Variants in TP63 observed in about 807,000 individuals in gnomAD.
TP63 encodes tumor protein 63.
Under a neutral mutation model 82.8 loss-of-function variants are expected in TP63, and 17 were observed. The ratio of observed to expected loss-of-function variants is 0.21; its 90% CI spans 0.14 to 0.31. The LOEUF is 0.31. TP63 is among the 10% of genes least tolerant of loss of function. The pLI, the probability that TP63 is intolerant of heterozygous loss-of-function variation, is 1.00. For synonymous variants in TP63, 330 were observed against 321.7 expected, an observed-to-expected ratio of 1.03 and a Z score of -0.28; for missense variants, 648 against 895.3, an observed-to-expected ratio of 0.72 and a Z score of 3.52.
the TP63 span, among the ~76,000 whole-genome samples, chr3:189,604,689 T>C: frequency 6.6e-6 from 1 of 152,206 alleles, no homozygotes. Context: ...GGAAAGAAGT[T>C]GAGATTGAGT....
intron 1 of TP63, among the ~76,000 whole-genome samples, chr3:189,705,292 G>T (rs1718115299): frequency 6.6e-6 from 1 of 152,140 alleles, no homozygotes; most frequent in African/African-American, 2.4e-5. Flanking sequence ...ATGTAAAATG[G>T]GGATAGTAAT....
chr3:189,742,600 C>G (rs1721080682), intron 3 of TP63, among the ~76,000 whole-genome samples: 1 of 152,148 alleles, frequency 6.6e-6, no homozygotes, highest in African/African-American at 2.4e-5. Context: ...TTATTTGTGT[C>G]TGGAAAGGCT....
At chr3:189,605,949 A>G in the TP63 span, among the ~76,000 whole-genome samples, 4 of 152,230 alleles carry the variant, frequency 2.6e-5, no homozygotes, top group Non-Finnish European at 5.9e-5. Flanking sequence ...TACTGACCCA[A>G]TGTAAGACAA....
At chr3:189,827,552 G>T (rs1194693772) in intron 4 of TP63, among the ~76,000 whole-genome samples, 1 of 152,230 alleles carries the variant, frequency 6.6e-6, no homozygotes, top group African/African-American at 2.4e-5. Flanking sequence ...TGCATTTAAA[G>T]TTGGGCCTTC....
rs565737119 is a variant in TP63, at chr3:189,864,837, T to A, written c.766+419T>A. Among the ~76,000 whole-genome samples the A allele has an allele frequency of 5.7e-4, 87 of 151,922 alleles. No individual in the cohort carries two copies. In the South Asian group the frequency reaches 0.017, roughly 30 times the overall value. ...CTGGCTAACACAGTGAAACTCCATCTCTACTAAAAATACAAAAAAATTAGC... is the reference window on the plus strand; with the variant it reads ...CTGGCTAACACAGTGAAACTCCATCACTACTAAAAATACAAAAAAATTAGC... On this transcript the variant is annotated intron_variant, in intron 5 of 13. Coordinates refer to ENST00000264731, the MANE Select transcript of TP63 (RefSeq NM_003722.5).
intron 3 of TP63, among the ~76,000 whole-genome samples, chr3:189,741,697 T>A (rs1429770279): frequency 6.6e-6 from 1 of 152,222 alleles, no homozygotes; most frequent in African/African-American, 2.4e-5. Flanking sequence ...TAACCCAGTT[T>A]TACTGATTTT....
At chr3:189,749,642 A>T (rs1721648376) in intron 3 of TP63, among the ~76,000 whole-genome samples, 1 of 152,182 alleles carries the variant, frequency 6.6e-6, no homozygotes, top group Admixed American at 6.5e-5. Flanking sequence ...TCCTCAAAAA[A>T]CTAAAAACTA....
chr3:189,628,837 A>G (rs1440918546), upstream of TP63, among the ~76,000 whole-genome samples: 4 of 152,128 alleles, frequency 2.6e-5, no homozygotes, highest in African/African-American at 9.7e-5. Flanking sequence ...GTATGGTTGC[A>G]TGCTACTGGT....
chr3:189,787,995 A>G (rs958077311), intron 3 of TP63, among the ~76,000 whole-genome samples: 2 of 151,926 alleles, frequency 1.3e-5, no homozygotes, highest in Non-Finnish European at 1.5e-5. Flanking sequence ...GGAAGTAACC[A>G]TCTGCTTTCT....
At chr3:189,605,042 G>A in the TP63 span, among the ~76,000 whole-genome samples, 1 of 152,128 alleles carries the variant, frequency 6.6e-6, no homozygotes, top group Non-Finnish European at 1.5e-5. Flanking sequence ...TCCCACTGAG[G>A]GTCTCAGAGC....
At chr3:189,631,068 A>G (rs73889774), upstream of TP63, among the ~76,000 whole-genome samples, 7,448 of 152,234 alleles carry the variant, frequency 0.049, 190 homozygotes, top group Middle Eastern at 0.058. Flanking sequence ...CAGGGTGGAC[A>G]CTCATCAGCT....
Position 189,745,479 on chromosome 3 carries a change from C to T in TP63, c.324+6705C>T, listed in dbSNP as rs568547893. On this transcript the variant is annotated intron_variant, in intron 3 of 13. Transcript: ENST00000264731. ...ATCCCAGAACTTCGGGAGGCTGAGGCGGGCAGATCACAAGGTCAACAGATT... is the reference window on the plus strand; with the variant it reads ...ATCCCAGAACTTCGGGAGGCTGAGGTGGGCAGATCACAAGGTCAACAGATT... 5.9e-5 allele frequency among the ~76,000 whole-genome samples: 9 copies of T among 151,854 alleles called. No homozygotes were observed. The South Asian group carries it at 6.2e-4, about 11-fold the overall frequency.
the TP63 span, among the ~76,000 whole-genome samples, chr3:189,607,176 A>G: frequency 0.4 from 61,349 of 152,122 alleles, 13,489 homozygotes; most frequent in Middle Eastern, 0.63. Context: ...TTGACAGAGC[A>G]GAGCCAACTG....
Position 189,867,825 on chromosome 3 carries a change from G to A in TP63, c.883-8G>A. The A allele has an allele frequency of 1.2e-6, 2 of 1,613,126 alleles. No homozygotes were observed. Among genetic ancestry groups the A allele is most frequent in the Non-Finnish European group, 1.7e-6 (2 of 1,179,214 alleles). ...TGTTAACACAGATTATTTACCCCTT[G>A]TTTTCAGGTTGGCACTGAATTCACG... On this transcript the variant is annotated splice_region_variant and splice_polypyrimidine_tract_variant and intron_variant, in intron 6 of 13. Transcript: ENST00000264731.
chr3:189,655,647 T>A (rs1713285634), intron 1 of TP63, among the ~76,000 whole-genome samples: 1 of 151,824 alleles, frequency 6.6e-6, no homozygotes, highest in Admixed American at 6.6e-5. Flanking sequence ...ATAAAATAAA[T>A]CTGGAGAGAC....
chr3:189,783,448 A>G (rs568614283), intron 3 of TP63, among the ~76,000 whole-genome samples: 1 of 152,066 alleles, frequency 6.6e-6, no homozygotes, highest in East Asian at 1.9e-4. Flanking sequence ...TGTATTTTCT[A>G]TATTTTCAAC....
At chr3:189,753,978 A>G (rs1451949601) in intron 3 of TP63, among the ~76,000 whole-genome samples, 3 of 152,110 alleles carry the variant, frequency 2.0e-5, no homozygotes, top group African/African-American at 7.2e-5. Flanking sequence ...ATACTCATAT[A>G]TATTTCTGTA....
intron 4 of TP63, among the ~76,000 whole-genome samples, chr3:189,847,061 A>G (rs932488519): frequency 3.9e-5 from 6 of 152,136 alleles, no homozygotes; most frequent in Middle Eastern, 3.2e-3. Context: ...ACCAAATTAT[A>G]AAATAATCAA....
chr3:189,597,183 A>C, the TP63 span, among the ~76,000 whole-genome samples: 1 of 152,222 alleles, frequency 6.6e-6, no homozygotes, highest in Non-Finnish European at 1.5e-5. Context: ...TTTGAAAACT[A>C]TGAAGTGCTG....
Sources: allele counts gnomAD v4.1 joint callset (sites outside exome capture counted in the v4.1 genomes callset), GRCh38; gene constraint gnomAD v4.1.1; transcripts MANE v1.5; gene names NCBI Gene and HGNC (gene_info 2026-07-23, HGNC 2026-07-21).